The following ZMYM2 variants were observed in gnomAD, a reference collection of about 807,000 sequenced individuals.
ZMYM2 encodes zinc finger MYM-type containing 2.
ZMYM2 carries 56 observed loss-of-function variants against 162.8 expected under a neutral mutation model. The ratio of observed to expected loss-of-function variants is 0.34; its 90% CI spans 0.28 to 0.43. ZMYM2 has a LOEUF of 0.43. ZMYM2 is among the 20% of genes least tolerant of loss of function. The pLI is 1.00. For synonymous variants in ZMYM2, 510 were observed against 541.6 expected (o/e 0.94, Z 0.81); for missense variants, 1,275 against 1,621.8 (o/e 0.79, Z 3.67).
At chr13:19,897,332 A>G in the ZMYM2 span, among the ~76,000 whole-genome samples, 4 of 152,176 alleles carry the variant, frequency 2.6e-5, no homozygotes, top group Non-Finnish European at 5.9e-5. Context: ...CCCACTTCTA[A>G]AAAGAGATAG....
intron 18 of ZMYM2, 90 bp from the exon 19 acceptor site, chr13:20,064,361 G>T: frequency 8.9e-7 from 1 of 1,123,172 alleles, no homozygotes; most frequent in Non-Finnish European, 1.2e-6. Flanking sequence ...ATGAATGCTG[G>T]TTTACATCCT....
At chr13:19,992,698 G>T (rs373203497) in intron 2 of ZMYM2, among the ~76,000 whole-genome samples, 21 of 151,528 alleles carry the variant, frequency 1.4e-4, no homozygotes, top group African/African-American at 5.1e-4. Context: ...TTCCTGTTCA[G>T]ATGTGTGGGA....
At chr13:20,063,015 AC>A (rs1428326933) in intron 18 of ZMYM2, 44 bp downstream of exon 18, 1 of 1,553,908 alleles carries the variant, frequency 6.4e-7, no homozygotes, top group Non-Finnish European at 8.7e-7. Flanking sequence ...TATGGAGTCA[AC>A]TGTGGTTATG....
At chr13:19,928,606 G>A in the ZMYM2 span, among the ~76,000 whole-genome samples, 1 of 152,046 alleles carries the variant, frequency 6.6e-6, no homozygotes, top group African/African-American at 2.4e-5. Flanking sequence ...AGACCAGCCT[G>A]GCCAACGTGG....
At chr13:19,960,107 C>T (rs1429502696) in intron 2 of ZMYM2, 81 bp downstream of exon 2, 4 of 152,204 alleles carry the variant, frequency 2.6e-5, no homozygotes, top group Non-Finnish European at 5.9e-5. Flanking sequence ...CTGGCCCTCC[C>T]CGTTGTTTTG....
the ZMYM2 span, among the ~76,000 whole-genome samples, chr13:19,880,405 TTC>T: frequency 2.0e-5 from 3 of 152,254 alleles, no homozygotes; most frequent in African/African-American, 7.2e-5. Flanking sequence ...TATATATTTA[TTC>T]TTTTTGATTT....
chr13:19,959,190 G>A (rs999162966), intron 1 of ZMYM2, among the ~76,000 whole-genome samples: 2 of 148,242 alleles, frequency 1.3e-5, no homozygotes, highest in South Asian at 2.1e-4. Context: ...GCGGGACGGC[G>A]GGACGGCGGG....
At chr13:20,030,762 G>C (rs905464308) in intron 9 of ZMYM2, among the ~76,000 whole-genome samples, 2 of 151,882 alleles carry the variant, frequency 1.3e-5, no homozygotes, top group East Asian at 1.9e-4. Context: ...TCGAACTCCT[G>C]ACCTTGGGTG....
chr13:19,907,626 G>T, the ZMYM2 span, among the ~76,000 whole-genome samples: 5 of 151,914 alleles, frequency 3.3e-5, no homozygotes, highest in Non-Finnish European at 5.9e-5. Flanking sequence ...GCCAGGTGTG[G>T]TGGCAGGTGC....
At chr13:19,895,076 C>CAAAAAAAA in the ZMYM2 span, among the ~76,000 whole-genome samples, 8 of 83,692 alleles carry the variant, frequency 9.6e-5, no homozygotes, top group Non-Finnish European at 1.5e-4. Flanking sequence ...AACTCCATCT[C>CAAAAAAAA]AAAAAAAAAA....
In ZMYM2 at chr13:20,053,750, C is replaced by T. The variant is rs1029687886; in HGVS notation, c.2493+1439C>T. 9.2e-5 allele frequency among the ~76,000 whole-genome samples: 14 copies of T among 152,202 alleles called. 1 individual carries two copies. The East Asian group carries it at 2.7e-3, about 29-fold the overall frequency. ...GAAAATTGGTATTTTTACATTTATT[C>T]TATTCAGTGTTTGTTTTTGATGTTA... On this transcript the variant is annotated intron_variant, in intron 14 of 24. Transcript: ENST00000610343.
intron 3 of ZMYM2, among the ~76,000 whole-genome samples, chr13:19,998,232 A>G (rs930899223): frequency 1.3e-5 from 2 of 152,214 alleles, no homozygotes; most frequent in African/African-American, 2.4e-5. Flanking sequence ...AATCCCTTGT[A>G]TGAAATTGAA....
chr13:20,052,258 A>T lies in ZMYM2; in HGVS notation c.2459-19A>T, dbSNP rs1566403267. On this transcript the variant is annotated intron_variant, in intron 13 of 24. Coordinates refer to ENST00000610343, the MANE Select transcript of ZMYM2 (RefSeq NM_197968.4). ...AGAAAGAGTATTTGTCTTATTTTAA[A>T]TTTTTTTGTGTTTTTTAGATCAGGG... 14 of 1,544,984 alleles carry T rather than the reference A, an allele frequency of 9.1e-6. No individual in the cohort carries two copies. Among genetic ancestry groups the T allele is most frequent in the South Asian group, 1.2e-5 (1 of 81,730 alleles).
At chr13:19,873,596 A>G in the ZMYM2 span, among the ~76,000 whole-genome samples, 3 of 151,784 alleles carry the variant, frequency 2.0e-5, no homozygotes, top group Non-Finnish European at 4.4e-5. Context: ...TTTAGTAGAG[A>G]CGGGGTTTTG....
At chr13:19,931,811 A>G in the ZMYM2 span, among the ~76,000 whole-genome samples, 1 of 152,174 alleles carries the variant, frequency 6.6e-6, no homozygotes, top group African/African-American at 2.4e-5. Context: ...ATTTTTTTGT[A>G]GAGAAGGTCT....
At chr13:19,954,126 A>ATT (rs781288600), upstream of ZMYM2, among the ~76,000 whole-genome samples, 126 of 64,908 alleles carry the variant, frequency 1.9e-3, 18 homozygotes, top group African/African-American at 3.7e-3. Context: ...GCTATGTTTA[A>ATT]TTTTTTTTTT....
At chr13:20,076,653 T>C (rs1191884849) in intron 21 of ZMYM2, among the ~76,000 whole-genome samples, 1 of 150,322 alleles carries the variant, frequency 6.7e-6, no homozygotes, top group African/African-American at 2.5e-5. Context: ...TGGAGGGATG[T>C]GTTTTTTAAG....
chr13:20,044,046 A>T (rs1954533023), intron 12 of ZMYM2, among the ~76,000 whole-genome samples: 1 of 152,076 alleles, frequency 6.6e-6, no homozygotes, highest in East Asian at 1.9e-4. Context: ...CTCAGGTCAG[A>T]CTGGCCTCTT....
intron 3 of ZMYM2, among the ~76,000 whole-genome samples, chr13:20,002,011 C>G (rs962357081): frequency 2.6e-5 from 4 of 152,156 alleles, no homozygotes; most frequent in Non-Finnish European, 5.9e-5. Context: ...TGATCTGGAG[C>G]TGAACCAGAA....
Sources: allele counts gnomAD v4.1 joint callset (sites outside exome capture counted in the v4.1 genomes callset), GRCh38; gene constraint gnomAD v4.1.1; transcripts MANE v1.5; gene names NCBI Gene and HGNC (gene_info 2026-07-23, HGNC 2026-07-21).